EPHA3: variants seen among roughly 807,000 people sequenced by gnomAD.
The protein encoded by EPHA3 is EPH receptor A3, also known as ephrin type-A receptor 3.
EPHA3 carries 42 observed loss-of-function variants against 107.1 expected under a neutral mutation model. The observed-to-expected ratio is 0.39, with a 90% confidence interval of 0.31 to 0.51. EPHA3 has a LOEUF of 0.51. Among genes scored for constraint, EPHA3 ranks in the 20% least tolerant of loss-of-function variants. EPHA3 has a pLI of 0.78. For missense variants in EPHA3, 1,183 were observed against 1,211.2 expected (o/e 0.98, Z 0.35); for synonymous variants, 461 against 424.8 (o/e 1.09, Z -1.05).
At chr3:89,383,636 C>CTTCT (rs1708553303) in intron 5 of EPHA3, among the ~76,000 whole-genome samples, 1 of 122,912 alleles carries the variant, frequency 8.1e-6, no homozygotes, top group Non-Finnish European at 1.7e-5. Flanking sequence ...CCTACTTCTT[C>CTTCT]TTCTTTTTTT....
At chr3:89,369,848 A>G (rs1228439138) in intron 5 of EPHA3, among the ~76,000 whole-genome samples, 1 of 150,692 alleles carries the variant, frequency 6.6e-6, no homozygotes, top group Non-Finnish European at 1.5e-5. Context: ...TGGGAAAAGG[A>G]CATGAACAGA....
intron 3 of EPHA3, among the ~76,000 whole-genome samples, chr3:89,252,048 T>C (rs928380188): frequency 2.0e-5 from 3 of 152,208 alleles, no homozygotes; most frequent in African/African-American, 7.2e-5. Flanking sequence ...TTAGTTTCTA[T>C]AGATCTTCTA....
rs536568799 is a variant in EPHA3, at chr3:89,373,149, A to G, written c.1307-22688A>G. ...TTATTGCTGAAATCAACATTTTAAA[A>G]TTAATTTCAAGTCTTTGCAAGGGCA... is the stretch of plus-strand genomic sequence containing the variant. On this transcript the variant is annotated intron_variant, in intron 5 of 16. Transcript: ENST00000336596. Among the ~76,000 whole-genome samples, 44 of 152,030 alleles carry G rather than the reference A, an allele frequency of 2.9e-4. No individual in the cohort carries two copies. The East Asian group carries it at 4.8e-3, about 17-fold the overall frequency.
intron 10 of EPHA3, among the ~76,000 whole-genome samples, chr3:89,413,509 A>G (rs184644702): frequency 2.0e-5 from 3 of 151,854 alleles, no homozygotes; most frequent in Non-Finnish European, 2.9e-5. Context: ...CAACAACTCA[A>G]TCTTCCCATA....
intron 11 of EPHA3, among the ~76,000 whole-genome samples, chr3:89,421,320 A>C (rs907643651): frequency 6.6e-6 from 1 of 151,330 alleles, no homozygotes; most frequent in African/African-American, 2.4e-5. Context: ...AAAAATTAAA[A>C]AAAATATTGA....
At chr3:89,358,142 C>CA (rs1708006658) in intron 5 of EPHA3, among the ~76,000 whole-genome samples, 1 of 150,640 alleles carries the variant, frequency 6.6e-6, no homozygotes, top group Non-Finnish European at 1.5e-5. Flanking sequence ...AGAAGAGAGA[C>CA]TTTTTTTTAC....
chr3:89,474,149 C>A (rs1384613365), intron 16 of EPHA3, among the ~76,000 whole-genome samples: 4 of 152,024 alleles, frequency 2.6e-5, no homozygotes, highest in Non-Finnish European at 5.9e-5. Flanking sequence ...AAGTGCCCAA[C>A]AAACAAATAA....
chr3:89,179,034 A>T (rs1219052706), intron 2 of EPHA3, among the ~76,000 whole-genome samples: 1 of 151,926 alleles, frequency 6.6e-6, no homozygotes, highest in African/African-American at 2.4e-5. Context: ...TATATCGCTT[A>T]TATTTTATAA....
intron 5 of EPHA3, among the ~76,000 whole-genome samples, chr3:89,379,508 G>A (rs763636791): frequency 4.1e-4 from 62 of 152,300 alleles, no homozygotes; most frequent in Non-Finnish European, 7.1e-4. Context: ...TTGATAATGG[G>A]TTTAGGATAT....
chr3:89,479,451 T>C lies in EPHA3; in HGVS notation c.2901T>C (p.Ser967=). 6.2e-7 allele frequency: 1 copy of C among 1,614,170 alleles called. No individual in the cohort carries two copies. Among genetic ancestry groups the C allele is most frequent in the Non-Finnish European group, 8.5e-7 (1 of 1,180,018 alleles). Residue 967 remains serine (S), a synonymous_variant, in exon 17 of 17, where the codon AGT becomes AGC. Coordinates refer to ENST00000336596, the MANE Select transcript of EPHA3 (RefSeq NM_005233.6). ...TVVGPQKKII[S]SIKALETQSK... ...TTGGGCCACAGAAGAAGATCATCAG[T>C]AGCATTAAAGCTCTAGAAACGCAAT...
Position 89,479,579 on chromosome 3 carries a change from T to C in EPHA3, c.*77T>C. ...GCATCATCCTGCAGACAGACAATAA[T>C]TCTGGAGATACTGGTGGAAGTTCCA... On this transcript the variant is annotated 3_prime_UTR_variant, in exon 17 of 17. Coordinates refer to ENST00000336596, the MANE Select transcript of EPHA3 (RefSeq NM_005233.6). The C allele has an allele frequency of 9.0e-7, 1 of 1,115,724 alleles. No individual in the cohort carries two copies. The highest frequency in any genetic ancestry group is 1.3e-6 in the Non-Finnish European group (1 of 742,652). 69.1% of individuals were successfully genotyped at this position (1,115,724 alleles called of 1,614,324 possible).
At chr3:89,123,579 T>C (rs1247395704) in intron 1 of EPHA3, among the ~76,000 whole-genome samples, 3 of 152,180 alleles carry the variant, frequency 2.0e-5, no homozygotes, top group African/African-American at 7.2e-5. Context: ...AGGATTGCCT[T>C]CCCCTTCTTA....
At chr3:89,140,455 A>G (rs977421252) in intron 2 of EPHA3, among the ~76,000 whole-genome samples, 2 of 151,732 alleles carry the variant, frequency 1.3e-5, no homozygotes, top group East Asian at 1.9e-4. Flanking sequence ...CACTAAATAC[A>G]TGTTGTTCAT....
intron 3 of EPHA3, among the ~76,000 whole-genome samples, chr3:89,233,182 C>T (rs1704677231): frequency 6.6e-6 from 1 of 151,948 alleles, no homozygotes. Flanking sequence ...TATACACGCA[C>T]ATATATATTT....
intron 2 of EPHA3, among the ~76,000 whole-genome samples, chr3:89,193,508 A>C (rs909465020): frequency 3.3e-5 from 5 of 152,030 alleles, no homozygotes; most frequent in Non-Finnish European, 7.4e-5. Context: ...AGTAAGTGCT[A>C]GTGTTTTATA....
chr3:89,338,981 A>G (rs1707454947), intron 3 of EPHA3, among the ~76,000 whole-genome samples: 1 of 152,168 alleles, frequency 6.6e-6, no homozygotes, highest in South Asian at 2.1e-4. Flanking sequence ...TAAGAATGCT[A>G]CTCAAACTAG....
At chr3:89,398,429 CTT>C (rs1246436967) in intron 6 of EPHA3, among the ~76,000 whole-genome samples, 1 of 152,142 alleles carries the variant, frequency 6.6e-6, no homozygotes. Context: ...CCTAGAGATC[CTT>C]TTTGGGAAGC....
At chr3:89,117,419 G>A (rs930410429) in intron 1 of EPHA3, among the ~76,000 whole-genome samples, 1 of 152,026 alleles carries the variant, frequency 6.6e-6, no homozygotes, top group African/African-American at 2.4e-5. Flanking sequence ...ACGCAATTTA[G>A]CAATTAATAA....
chr3:89,421,428 G>A (rs1362017649), intron 11 of EPHA3, among the ~76,000 whole-genome samples: 1 of 151,094 alleles, frequency 6.6e-6, no homozygotes, highest in African/African-American at 2.4e-5. Flanking sequence ...TCATTAAATT[G>A]AATACACTTT....
Sources: allele counts gnomAD v4.1 joint callset (sites outside exome capture counted in the v4.1 genomes callset), GRCh38; gene constraint gnomAD v4.1.1; transcripts MANE v1.5; gene names NCBI Gene and HGNC (gene_info 2026-07-23, HGNC 2026-07-21).